The following AKAP13 variants were observed in gnomAD, a reference collection of about 807,000 sequenced individuals.
AKAP13 encodes A-kinase anchor protein 13.
Under a neutral mutation model 264.5 loss-of-function variants are expected in AKAP13, and 80 were observed. That is an observed-to-expected ratio of 0.30 (90% CI 0.25 to 0.36). AKAP13 has a LOEUF of 0.36. AKAP13 is among the 10% of genes least tolerant of loss of function. AKAP13 has a pLI of 1.00. For missense variants in AKAP13, 3,712 were observed against 3,435.2 expected (o/e 1.08, Z -2.01); for synonymous variants, 1,380 against 1,250.2 (o/e 1.10, Z -2.19).
intron 16 of AKAP13, among the ~76,000 whole-genome samples, chr15:85,687,053 A>T (rs538287941): frequency 5.3e-5 from 8 of 152,314 alleles, no homozygotes; most frequent in Non-Finnish European, 1.5e-5. Context: ...CAGTGAATGT[A>T]CCACTCATCT....
intron 2 of AKAP13, among the ~76,000 whole-genome samples, chr15:85,521,132 A>G (rs2076808308): frequency 6.6e-6 from 1 of 152,146 alleles, no homozygotes; most frequent in South Asian, 2.1e-4. Context: ...TAACCCATTC[A>G]TCAAGTAAAG....
chr15:85,568,117 A>G (rs1401783410), intron 5 of AKAP13, among the ~76,000 whole-genome samples: 2 of 152,070 alleles, frequency 1.3e-5, no homozygotes, highest in Non-Finnish European at 2.9e-5. Flanking sequence ...CCTGGGCAAC[A>G]TGACAAAACC....
At chr15:85,397,691 C>T (rs1596038237) in intron 1 of AKAP13, among the ~76,000 whole-genome samples, 1 of 152,098 alleles carries the variant, frequency 6.6e-6, no homozygotes, top group African/African-American at 2.4e-5. Flanking sequence ...AATTGAAGCT[C>T]AGAGAAATTA....
chr15:85,741,427 G>C lies in AKAP13; in HGVS notation c.7990G>C (p.Glu2664Gln). ...TGCTGCCCAGAAACAGCTTGAGAGGGAACAGGAGCAGCTGCGCCGGGAGGC... is the reference window on the plus strand; with the variant it reads ...TGCTGCCCAGAAACAGCTTGAGAGGCAACAGGAGCAGCTGCGCCGGGAGGC... ...LRAAQKQLER[E>Q]QEQLRREAER... Residue 2664 changes from glutamate to glutamine, a missense_variant, in exon 35 of 37, where the codon GAA (glutamate) becomes CAA (glutamine). This residue lies in a region of AKAP13 where 611 missense variants were observed against 539.3 expected (regional missense o/e 1.13). Coordinates refer to ENST00000394518, the MANE Select transcript of AKAP13 (RefSeq NM_007200.5). 3.7e-6 allele frequency: 6 copies of C among 1,611,402 alleles called. No homozygotes were observed. Among genetic ancestry groups the C allele is most frequent in the Non-Finnish European group, 5.1e-6 (6 of 1,177,914 alleles).
chr15:85,630,168 C>A lies in AKAP13; in HGVS notation c.4162-9206C>A, dbSNP rs58586762. Among the ~76,000 whole-genome samples, 10 of 27,370 alleles carry A rather than the reference C, an allele frequency of 3.7e-4. No individual in the cohort carries two copies. The South Asian group carries it at 9.3e-3, about 26-fold the overall frequency. The allele number at this position is 27,370 out of a possible 152,430, so 18.0% of individuals were successfully genotyped here. ...TCTATTCTCTGTTTTTTAACACATA[C>A]ACACACACACACACACACACACACA... On this transcript the variant is annotated intron_variant, in intron 8 of 36. Transcript: ENST00000394518.
chr15:85,744,091 C>A, intron 36 of AKAP13: 1 of 464,690 alleles, frequency 2.2e-6, no homozygotes, highest in Non-Finnish European at 3.8e-6. Flanking sequence ...GAGCTCACCC[C>A]TCAATGAAGT....
chr15:85,454,436 G>C (rs968414503), intron 1 of AKAP13, among the ~76,000 whole-genome samples: 1 of 152,096 alleles, frequency 6.6e-6, no homozygotes, highest in Non-Finnish European at 1.5e-5. Flanking sequence ...CCCTGGCTCC[G>C]TGTTGCTCCC....
chr15:85,589,188 T>G (rs2079483794), intron 8 of AKAP13, among the ~76,000 whole-genome samples: 1 of 152,312 alleles, frequency 6.6e-6, no homozygotes, highest in Middle Eastern at 3.4e-3. Flanking sequence ...ACATACTATA[T>G]TCATATAGGT....
intron 4 of AKAP13, among the ~76,000 whole-genome samples, chr15:85,543,028 C>T (rs1193569582): frequency 6.6e-6 from 1 of 152,212 alleles, no homozygotes; most frequent in Non-Finnish European, 1.5e-5. Flanking sequence ...CAAGCCCTTC[C>T]TCATTCTGTC....
intron 8 of AKAP13, among the ~76,000 whole-genome samples, chr15:85,586,356 G>A (rs1027714685): frequency 1.3e-5 from 2 of 151,878 alleles, no homozygotes; most frequent in Non-Finnish European, 2.9e-5. Context: ...ACAGGCATGC[G>A]CCACCATGAC....
At chr15:85,674,576 G>T (rs886780748) in intron 14 of AKAP13, among the ~76,000 whole-genome samples, 1 of 152,122 alleles carries the variant, frequency 6.6e-6, no homozygotes, top group East Asian at 1.9e-4. Flanking sequence ...AGTTTCTTAA[G>T]CATGTTGTGA....
chr15:85,624,555 T>C (rs7179371), intron 8 of AKAP13: 1 of 152,010 alleles, frequency 6.6e-6, no homozygotes, highest in Non-Finnish European at 1.5e-5. Context: ...ACTCAGATAC[T>C]GTCCAATTCC....
chr15:85,704,730 T>G (rs7162723), intron 17 of AKAP13, among the ~76,000 whole-genome samples: 5 of 152,098 alleles, frequency 3.3e-5, no homozygotes, highest in African/African-American at 1.2e-4. Context: ...GATAATTATT[T>G]TCTGATCTTC....
intron 5 of AKAP13, among the ~76,000 whole-genome samples, chr15:85,561,677 T>A (rs2078383144): frequency 6.6e-6 from 1 of 152,192 alleles, no homozygotes; most frequent in Non-Finnish European, 1.5e-5. Flanking sequence ...TTTCGAGATC[T>A]TGAAACCAGT....
At chr15:85,657,921 T>G (rs2083175839) in intron 11 of AKAP13, among the ~76,000 whole-genome samples, 1 of 152,162 alleles carries the variant, frequency 6.6e-6, no homozygotes, top group Non-Finnish European at 1.5e-5. Context: ...ACAACTTTGA[T>G]TTTAGAGCTA....
chr15:85,560,081 T>C lies in AKAP13; in HGVS notation c.663-15050T>C, dbSNP rs577732175. On this transcript the variant is annotated intron_variant, in intron 5 of 36. Coordinates refer to ENST00000394518, the MANE Select transcript of AKAP13 (RefSeq NM_007200.5). The stretch of plus-strand genomic sequence containing the variant: ...AGATGTCTGCGTCATGGTTTATTAC[T>C]CCTGTGTTCGTTTCAAGGAGCTCCT... Among the ~76,000 whole-genome samples, 5 of 138,138 alleles carry C rather than the reference T, an allele frequency of 3.6e-5. No homozygotes were observed. The South Asian group carries it at 1.2e-3, about 32-fold the overall frequency. 90.6% of individuals were successfully genotyped at this position (138,138 alleles called of 152,430 possible). A position where few individuals can be genotyped will look rare whatever the true frequency, so the allele number is the denominator to read the frequency against.
chr15:85,432,910 C>A (rs1263535146), intron 1 of AKAP13, among the ~76,000 whole-genome samples: 5 of 151,398 alleles, frequency 3.3e-5, no homozygotes, highest in African/African-American at 1.2e-4. Flanking sequence ...TGCCACCTCC[C>A]AGGTATATAG....
At chr15:85,400,996 G>A (rs2150838630) in intron 1 of AKAP13, among the ~76,000 whole-genome samples, 2 of 151,816 alleles carry the variant, frequency 1.3e-5, no homozygotes, top group East Asian at 3.9e-4. Context: ...CAAGTAGCTG[G>A]GATCACATGT....
chr15:85,709,045 ATCT>A (rs1216265154), intron 18 of AKAP13, among the ~76,000 whole-genome samples: 1 of 152,196 alleles, frequency 6.6e-6, no homozygotes, highest in African/African-American at 2.4e-5. Flanking sequence ...GGATAGCCAG[ATCT>A]TCTTTAGCCT....
Sources: allele counts gnomAD v4.1 joint callset (sites outside exome capture counted in the v4.1 genomes callset), GRCh38; gene constraint gnomAD v4.1.1; regional missense constraint gnomAD v4.1.1; transcripts MANE v1.5; gene names NCBI Gene and HGNC (gene_info 2026-07-23, HGNC 2026-07-21).